The following RBFOX1 variants were observed in gnomAD, a reference collection of about 807,000 sequenced individuals.
RBFOX1 encodes the protein RNA binding protein fox-1 homolog 1.
RBFOX1 carries 8 observed loss-of-function variants against 57.7 expected under a neutral mutation model. That is an observed-to-expected ratio of 0.14 (90% confidence interval 0.08 to 0.25). The LOEUF (loss-of-function observed/expected upper bound fraction) is 0.25, where lower values mean the gene tolerates loss of function less well. Among genes scored for constraint, RBFOX1 ranks in the 10% least tolerant of loss-of-function variants. The pLI, the probability that RBFOX1 is intolerant of heterozygous loss-of-function variation, is 1.00. For missense variants in RBFOX1, 611 were observed against 548.5 expected (o/e 1.11, Z -1.14); for synonymous variants, 326 against 222.4 (o/e 1.47, Z -4.15).
At chr16:5,423,219 C>T (rs1443124586) in intron 1 of RBFOX1, among the ~76,000 whole-genome samples, 3 of 151,974 alleles carry the variant, frequency 2.0e-5, no homozygotes, top group Admixed American at 1.3e-4. Context: ...TCCGCTTCCC[C>T]CAAGGTGACA....
At chr16:5,549,431 G>T (rs1268147595) in intron 2 of RBFOX1, among the ~76,000 whole-genome samples, 1 of 152,200 alleles carries the variant, frequency 6.6e-6, no homozygotes, top group African/African-American at 2.4e-5. Flanking sequence ...TTCTATTTCA[G>T]AGTTATATTT....
chr16:6,962,873 A>C (rs7205634), intron 3 of RBFOX1, among the ~76,000 whole-genome samples: 3,210 of 146,792 alleles, frequency 0.022, 121 homozygotes, highest in African/African-American at 0.076. Flanking sequence ...TCATGGAAAA[A>C]GGGAAAAAAA....
In RBFOX1 at chr16:5,684,834, G is replaced by C. The variant is rs1175534868; in HGVS notation, c.318+85873G>C. ...CTTTAGGGTTGCTTGGGGGTATTTG[G>C]TTTCCTGCGTTATGATGTGAATGGG... On this transcript the variant is annotated intron_variant, in intron 3 of 19. Transcript: ENST00000641259. Among the ~76,000 whole-genome samples, 3 of 152,100 alleles carry C rather than the reference G, an allele frequency of 2.0e-5. No individual in the cohort carries two copies. In the East Asian group the frequency reaches 5.8e-4, roughly 29 times the overall value.
intron 4 of RBFOX1, among the ~76,000 whole-genome samples, chr16:7,193,017 T>C (rs1488101463): frequency 6.6e-6 from 1 of 152,214 alleles, no homozygotes; most frequent in Non-Finnish European, 1.5e-5. Flanking sequence ...GCCCTTGCCT[T>C]ACCTATGGCC....
intron 3 of RBFOX1, among the ~76,000 whole-genome samples, chr16:6,928,643 A>C (rs1034620701): frequency 5.9e-5 from 9 of 152,170 alleles, no homozygotes; most frequent in Non-Finnish European, 1.3e-4. Flanking sequence ...CCTTGCATTC[A>C]TGTGGGATTC....
chr16:6,775,309 G>C (rs1303491457), intron 3 of RBFOX1, among the ~76,000 whole-genome samples: 2 of 123,820 alleles, frequency 1.6e-5, no homozygotes, highest in Non-Finnish European at 3.2e-5. Context: ...CAGCCTGGGC[G>C]ATACAGCGAG....
chr16:6,738,438 A>G (rs1057177610), intron 3 of RBFOX1, among the ~76,000 whole-genome samples: 1 of 152,178 alleles, frequency 6.6e-6, no homozygotes, highest in Non-Finnish European at 1.5e-5. Context: ...GAGTATTTAT[A>G]GGAATTCTGA....
intron 3 of RBFOX1, among the ~76,000 whole-genome samples, chr16:5,646,022 T>G (rs1430331757): frequency 1.3e-5 from 2 of 151,198 alleles, no homozygotes; most frequent in Non-Finnish European, 3.0e-5. Context: ...CCTCTGTTTT[T>G]TTTTTAATTT....
intron 3 of RBFOX1, among the ~76,000 whole-genome samples, chr16:6,717,842 G>A (rs1164357444): frequency 6.6e-6 from 1 of 152,140 alleles, no homozygotes; most frequent in Non-Finnish European, 1.5e-5. Context: ...CCCAGATGGT[G>A]TTTCGTGGGA....
intron 1 of RBFOX1, among the ~76,000 whole-genome samples, chr16:5,406,002 A>C (rs528747148): frequency 6.6e-6 from 1 of 152,342 alleles, no homozygotes; most frequent in African/African-American, 2.4e-5. Context: ...ACATCCTATT[A>C]CATAAAATAA....
At chr16:6,255,845 A>C (rs28567559) in intron 1 of RBFOX1, among the ~76,000 whole-genome samples, 3,871 of 151,900 alleles carry the variant, frequency 0.025, 111 homozygotes, top group African/African-American at 0.07. Context: ...GAACAATGAG[A>C]ATACATGGAT....
intron 4 of RBFOX1, among the ~76,000 whole-genome samples, chr16:7,513,018 C>G (rs2075513463): frequency 6.6e-6 from 1 of 152,130 alleles, no homozygotes. Flanking sequence ...AATCCCAGCA[C>G]TTTGGGAGGA....
chr16:6,726,010 A>C (rs2067089589), intron 3 of RBFOX1, among the ~76,000 whole-genome samples: 1 of 152,172 alleles, frequency 6.6e-6, no homozygotes, highest in Non-Finnish European at 1.5e-5. Context: ...TCAGCATTGC[A>C]AATCACCCTT....
intron 1 of RBFOX1, among the ~76,000 whole-genome samples, chr16:5,387,411 C>G (rs1323094777): frequency 1.3e-5 from 2 of 152,182 alleles, no homozygotes; most frequent in Non-Finnish European, 2.9e-5. Context: ...TCATCACAGA[C>G]CTAGGCACCT....
chr16:6,568,895 C>T (rs2153944747), intron 2 of RBFOX1, among the ~76,000 whole-genome samples: 1 of 152,216 alleles, frequency 6.6e-6, no homozygotes, highest in East Asian at 1.9e-4. Context: ...CAGCACTGCC[C>T]CCAAGTAGCT....
At chr16:7,615,225 G>T (rs1017299810) in intron 10 of RBFOX1, among the ~76,000 whole-genome samples, 1 of 152,042 alleles carries the variant, frequency 6.6e-6, no homozygotes, top group Non-Finnish European at 1.5e-5. Flanking sequence ...CCCAGCTACT[G>T]GGGAGGCTGA....
intron 1 of RBFOX1, among the ~76,000 whole-genome samples, chr16:5,325,769 C>A (rs1268011103): frequency 6.6e-6 from 1 of 152,118 alleles, no homozygotes; most frequent in Admixed American, 6.6e-5. Context: ...ATAGTTAGTC[C>A]CTTTAGACTA....
chr16:5,627,804 C>T (rs1220823734), intron 3 of RBFOX1, among the ~76,000 whole-genome samples: 1 of 152,102 alleles, frequency 6.6e-6, no homozygotes, highest in Admixed American at 6.5e-5. Context: ...TTAAACTATA[C>T]AGGAGGCTAA....
chr16:5,621,808 G>T (rs2048208872), intron 3 of RBFOX1, among the ~76,000 whole-genome samples: 11 of 152,134 alleles, frequency 7.2e-5, no homozygotes, highest in Admixed American at 7.2e-4. Flanking sequence ...TTTGGATTTG[G>T]TGCAAATGTG....
Sources: allele counts gnomAD v4.1 joint callset (sites outside exome capture counted in the v4.1 genomes callset), GRCh38; gene constraint gnomAD v4.1.1; transcripts MANE v1.5; gene names NCBI Gene and HGNC (gene_info 2026-07-23, HGNC 2026-07-21).